ESRP1: variants seen among roughly 807,000 people sequenced by gnomAD.
ESRP1 encodes epithelial splicing regulatory protein 1, also known as RNA-binding motif protein 35A.
In ESRP1, 33 loss-of-function variants were observed where a neutral mutation model predicts 81.7. The ratio of observed to expected loss-of-function variants is 0.40; its 90% CI spans 0.31 to 0.54. The LOEUF is 0.54. Among genes scored for constraint, ESRP1 ranks in the 20% least tolerant of loss-of-function variants. The pLI is 0.41. For missense variants in ESRP1, 672 were observed against 833.1 expected, an observed-to-expected ratio of 0.81 and a Z score of 2.38; for synonymous variants, 320 against 303.3, an observed-to-expected ratio of 1.06 and a Z score of -0.57.
chr8:94,695,931 T>G (rs534535103), intron 14 of ESRP1, among the ~76,000 whole-genome samples: 6 of 152,118 alleles, frequency 3.9e-5, no homozygotes, highest in Admixed American at 1.3e-4. Context: ...CGCATGGTGG[T>G]GCATGCCTGT....
intron 3 of ESRP1, 56 bp from the exon 4 acceptor site, chr8:94,646,112 G>A (rs1817836897): frequency 1.2e-5 from 11 of 954,444 alleles, no homozygotes; most frequent in Non-Finnish European, 1.6e-5. Context: ...CTAATTGTGA[G>A]AGAAACATTG....
At chr8:94,664,897 T>C (rs1450070001) in intron 7 of ESRP1, 30 bp from the exon 8 acceptor site, 1 of 1,609,388 alleles carries the variant, frequency 6.2e-7, no homozygotes, top group Non-Finnish European at 8.5e-7. Flanking sequence ...TTTTTTTTTC[T>C]ACCTGCTGTC....
chr8:94,667,629 G>A (rs1310418427), intron 9 of ESRP1, among the ~76,000 whole-genome samples: 1 of 152,158 alleles, frequency 6.6e-6, no homozygotes, highest in Non-Finnish European at 1.5e-5. Context: ...TTATGCCCTA[G>A]TAAGCAGTAA....
At chr8:94,657,472 C>CGTGTGTGTGTGTGTGT (rs9297944) in intron 4 of ESRP1, among the ~76,000 whole-genome samples, 94 of 146,268 alleles carry the variant, frequency 6.4e-4, no homozygotes, top group African/African-American at 2.0e-3. Context: ...AGGCTGTGTG[C>CGTGTGTGTGTGTGTGT]GTGTGTGTGT....
intron 4 of ESRP1, among the ~76,000 whole-genome samples, chr8:94,654,326 A>G (rs962517729): frequency 2.0e-5 from 3 of 152,176 alleles, no homozygotes; most frequent in African/African-American, 7.2e-5. Flanking sequence ...TCAAAAAAAT[A>G]AAATATTTTA....
intron 13 of ESRP1, among the ~76,000 whole-genome samples, chr8:94,685,383 A>G (rs1433673436): frequency 6.6e-6 from 1 of 152,226 alleles, no homozygotes; most frequent in Non-Finnish European, 1.5e-5. Flanking sequence ...GGATAGTCCA[A>G]TAACAGAATC....
chr8:94,683,870 G>C (rs1809026081), intron 13 of ESRP1, among the ~76,000 whole-genome samples: 1 of 152,154 alleles, frequency 6.6e-6, no homozygotes, highest in African/African-American at 2.4e-5. Flanking sequence ...GGCTTTCAGG[G>C]AGGAAATGAC....
chr8:94,678,413 G>A, intron 13 of ESRP1, 42 bp downstream of exon 13: 3 of 1,593,598 alleles, frequency 1.9e-6, no homozygotes, highest in Non-Finnish European at 2.6e-6. Context: ...CAGAAACAAA[G>A]GACTCCTTTG....
chr8:94,657,209 G>A (rs1404213533), intron 4 of ESRP1, among the ~76,000 whole-genome samples: 2 of 152,182 alleles, frequency 1.3e-5, no homozygotes, highest in Admixed American at 6.5e-5. Context: ...TCTCATTTGT[G>A]AAGCTGGCTA....
chr8:94,645,433 A>C (rs1410987908), intron 3 of ESRP1, among the ~76,000 whole-genome samples: 5 of 152,070 alleles, frequency 3.3e-5, no homozygotes, highest in Non-Finnish European at 7.4e-5. Context: ...TTAAGAAAAA[A>C]AAAAACAAAG....
rs1353263344 is a variant in ESRP1, at chr8:94,646,294, AT to A, written c.490+13del. 5 of 1,480,166 alleles carry A rather than the reference AT, an allele frequency of 3.4e-6. No homozygotes were observed. Among genetic ancestry groups the A allele is most frequent in the Admixed American group, 1.8e-5 (1 of 55,282 alleles). The allele number at this position is 1,480,166 out of a possible 1,614,324, so 91.7% of individuals were successfully genotyped here. A position where few individuals can be genotyped will look rare whatever the true frequency, so the allele number is the denominator to read the frequency against. ...CACAATGACAGAGTGTATCCTTTAA[AT>A]CATTACTCAAGAATCATTTGAAAAG... On this transcript the variant is annotated intron_variant, in intron 4 of 15. Transcript: ENST00000433389.
intron 3 of ESRP1, among the ~76,000 whole-genome samples, chr8:94,643,964 C>T (rs755297874): frequency 2.6e-5 from 4 of 152,188 alleles, no homozygotes; most frequent in Admixed American, 2.0e-4. Flanking sequence ...AACCTTATAT[C>T]TAGTGAAACC....
Position 94,668,632 on chromosome 8 carries a change from A to T in ESRP1, c.1233+382A>T, listed in dbSNP as rs76508378. On this transcript the variant is annotated intron_variant, in intron 10 of 15. Coordinates refer to ENST00000433389, the MANE Select transcript of ESRP1 (RefSeq NM_017697.4). ...CTACCAGAAGAAATTTCTATGTAAA[A>T]TGCTTAAAAACCTGTCATCAATTTG... Among the ~76,000 whole-genome samples, 949 of 152,344 alleles carry T rather than the reference A, an allele frequency of 6.2e-3. 8 individuals are homozygous for T. The highest frequency in any genetic ancestry group is 0.021 in the African/African-American group (886 of 41,576).
At chr8:94,693,172 G>C (rs1003470245) in intron 14 of ESRP1, among the ~76,000 whole-genome samples, 6 of 152,282 alleles carry the variant, frequency 3.9e-5, no homozygotes, top group African/African-American at 1.4e-4. Context: ...TATTCAAAGT[G>C]AAGTGTCAAA....
intron 14 of ESRP1, among the ~76,000 whole-genome samples, chr8:94,694,771 A>G (rs1359544060): frequency 6.6e-6 from 1 of 152,194 alleles, no homozygotes; most frequent in Non-Finnish European, 1.5e-5. Flanking sequence ...GAACCATTCA[A>G]GGTTGGAATA....
intron 4 of ESRP1, among the ~76,000 whole-genome samples, chr8:94,648,122 T>C (rs1254102385): frequency 1.3e-5 from 2 of 152,148 alleles, no homozygotes; most frequent in Non-Finnish European, 2.9e-5. Context: ...CTGGACGTGG[T>C]TGCATGAGAC....
intron 14 of ESRP1, 87 bp from the exon 15 acceptor site, chr8:94,696,765 T>C (rs1809621322): frequency 9.9e-7 from 1 of 1,012,428 alleles, no homozygotes; most frequent in Non-Finnish European, 1.5e-6. Context: ...TCCTATACTT[T>C]TGTTGGTAGA....
At chr8:94,692,909 C>T (rs1182914917) in intron 14 of ESRP1, 82 bp downstream of exon 14, 63 of 1,433,856 alleles carry the variant, frequency 4.4e-5, no homozygotes, top group Non-Finnish European at 5.9e-5. Flanking sequence ...AGGAAAGAAA[C>T]AGATTCTATG....
intron 13 of ESRP1, among the ~76,000 whole-genome samples, chr8:94,689,249 CAAA>C (rs56220336): frequency 3.0e-5 from 3 of 98,846 alleles, no homozygotes; most frequent in African/African-American, 8.8e-5. Flanking sequence ...ACTCAGTCTC[CAAA>C]AAAAAAAAAA....
Sources: allele counts gnomAD v4.1 joint callset (sites outside exome capture counted in the v4.1 genomes callset), GRCh38; gene constraint gnomAD v4.1.1; transcripts MANE v1.5; gene names NCBI Gene and HGNC (gene_info 2026-07-23, HGNC 2026-07-21).